The following MRPL27 variants were observed in gnomAD, a reference collection of about 807,000 sequenced individuals.
MRPL27 encodes the protein large ribosomal subunit protein bL27m.
MRPL27 carries 4 observed loss-of-function variants against 14.6 expected under a neutral mutation model. The observed-to-expected ratio is 0.27, with a 90% CI of 0.14 to 0.63. The LOEUF is 0.63. Among genes scored for constraint, MRPL27 ranks in the 20% least tolerant of loss-of-function variants. MRPL27 has a pLI of 0.85. For synonymous variants in MRPL27, 82 were observed against 75.5 expected, an observed-to-expected ratio of 1.09 and a Z score of -0.45; for missense variants, 196 against 192.8, an observed-to-expected ratio of 1.02 and a Z score of -0.10.
chr17:50,368,876 A>T (rs778840611), intron 3 of MRPL27: 1 of 702,380 alleles, frequency 1.4e-6, no homozygotes, highest in South Asian at 1.5e-5. Flanking sequence ...CACTTTTCAG[A>T]TGTGAAATAT....
Position 50,370,594 on chromosome 17 carries a change from GA to G in MRPL27, c.41-9del, listed in dbSNP as rs770437381. 28 of 1,613,924 alleles carry G rather than the reference GA, an allele frequency of 1.7e-5. No homozygotes were observed. The highest frequency in any genetic ancestry group is 6.7e-5 in the Admixed American group (4 of 59,996). ...GGCTTAGCAAGGATGTAACTGCAGA[GA>G]AAACAGAAACATTGTTCAGACAGAC... On this transcript the variant is annotated splice_polypyrimidine_tract_variant and intron_variant, in intron 1 of 3. Coordinates refer to ENST00000225969, the MANE Select transcript of MRPL27 (RefSeq NM_016504.3).
At chr17:50,372,876 T>C (rs75247065) in intron 1 of MRPL27, 1 of 569,540 alleles carries the variant, frequency 1.8e-6, no homozygotes, top group South Asian at 2.2e-5. Context: ...CCCACCCAAA[T>C]CCCCAACCGC....
intron 1 of MRPL27, among the ~76,000 whole-genome samples, chr17:50,372,385 AC>A (rs910867586): frequency 1.3e-5 from 2 of 152,040 alleles, no homozygotes; most frequent in Non-Finnish European, 2.9e-5. Flanking sequence ...ATCTGAGACC[AC>A]AGGCAAGCGC....
chr17:50,370,662 C>G lies in MRPL27; in HGVS notation c.41-76G>C, dbSNP rs16948951. On this transcript the variant is annotated intron_variant, in intron 1 of 3. Coordinates refer to ENST00000225969, the MANE Select transcript of MRPL27 (RefSeq NM_016504.3). ...TGCCTCAATGGGCCACATGCTGATA[C>G]GTGAGAGGCGGTGGGGAGATGAGAA... 0.24 allele frequency: 374,640 copies of G among 1,582,958 alleles called. 48,643 individuals are homozygous for G. The highest frequency in any genetic ancestry group is 0.45 in the African/African-American group (33,622 of 74,074).
chr17:50,368,376 A>C (rs1427622790), intron 3 of MRPL27, 78 bp from the exon 4 acceptor site: 19 of 1,470,808 alleles, frequency 1.3e-5, no homozygotes, highest in African/African-American at 4.2e-5. Flanking sequence ...CAGACTTCTC[A>C]CACAGAGCCG....
In MRPL27 at chr17:50,368,236, C is replaced by A; in HGVS notation, c.303G>T (p.Lys101Asn). The A allele has an allele frequency of 6.2e-7, 1 of 1,614,192 alleles. No individual in the cohort carries two copies. The highest frequency in any genetic ancestry group is 1.1e-5 in the South Asian group (1 of 91,082). ...TTCTGGGATGAGGCACGTAGACCTC[C>A]TTAGTGTAGCGGACTATCCCCTCTT... The part of the protein sequence containing the change: ...ALEEGIVRYT[K>N]EVYVPHPRNT... The change falls in exon 4 of 4, where the codon AAG becomes AAT. Residue 101 changes from lysine (K) to asparagine (N), a missense_variant. Lys to Asn is a moderately conservative substitution (Grantham distance 94). Coordinates refer to ENST00000225969, the MANE Select transcript of MRPL27 (RefSeq NM_016504.3).
At chr17:50,373,066 C>T (rs1913233001) in intron 1 of MRPL27, 65 bp downstream of exon 1, 4 of 1,607,448 alleles carry the variant, frequency 2.5e-6, no homozygotes, top group African/African-American at 1.3e-5. Context: ...CACCTCCTTC[C>T]CTCCCTGCTG....
chr17:50,368,198 A>G lies in MRPL27; in HGVS notation c.341T>C (p.Val114Ala). 1.5e-5 allele frequency: 24 copies of G among 1,614,216 alleles called. No homozygotes were observed. The highest frequency in any genetic ancestry group is 2.0e-5 in the Non-Finnish European group (24 of 1,180,050). The change falls in exon 4 of 4, where the codon GTG becomes GCG. Residue 114 changes from valine (V) to alanine (A), a missense_variant. Val to Ala is a moderately conservative substitution (Grantham distance 64, BLOSUM62 0). Transcript: ENST00000225969. ...CTTGGGCAGCCTGGTGATCAGATCC[A>G]CAGCCTCCGTGTTTCTGGGATGAGG... ...YVPHPRNTEAVDLITRLPKGA... is the reference protein window; with the variant it reads ...YVPHPRNTEAADLITRLPKGA...
chr17:50,370,282 C>T (rs1567812207), intron 2 of MRPL27, 173 bp downstream of exon 2: 7 of 1,204,240 alleles, frequency 5.8e-6, no homozygotes, highest in Non-Finnish European at 8.3e-6. Context: ...ATGGTTATGG[C>T]TCACACCCAC....
chr17:50,369,448 G>A (rs1233926040), intron 3 of MRPL27: 2 of 167,024 alleles, frequency 1.2e-5, no homozygotes, highest in Admixed American at 1.3e-4. Flanking sequence ...AATGTGGAGA[G>A]TACAGTATCG....
chr17:50,372,885 G>A (rs968848602), intron 1 of MRPL27: 1 of 568,052 alleles, frequency 1.8e-6, no homozygotes, highest in Non-Finnish European at 3.1e-6. Context: ...ATCCCCAACC[G>A]CCAAGGAACC....
chr17:50,371,803 A>G lies in MRPL27; in HGVS notation c.41-1217T>C, dbSNP rs183400681. 2.0e-5 allele frequency among the ~76,000 whole-genome samples: 3 copies of G among 152,326 alleles called. No homozygotes were observed. The East Asian group carries it at 5.8e-4, about 29-fold the overall frequency. On this transcript the variant is annotated intron_variant, in intron 1 of 3. Coordinates refer to ENST00000225969, the MANE Select transcript of MRPL27 (RefSeq NM_016504.3). ...TTTAAACATCTATTCATTCATTTAC[A>G]TACTTACTAAGCTCAGGAGCTGGGC...
At chr17:50,372,760 C>T (rs747456057) in intron 1 of MRPL27, 112 of 278,904 alleles carry the variant, frequency 4.0e-4, no homozygotes, top group Non-Finnish European at 4.8e-4. Context: ...TTCCGAACAC[C>T]TACCGCCGTG....
At position 50,369,632 on chromosome 17, in the gene MRPL27, G is replaced by A. The variant is rs775004780; in HGVS notation, c.240+400C>T. 114 of 213,354 alleles carry A rather than the reference G, an allele frequency of 5.3e-4. 1 individual carries two copies. Among genetic ancestry groups the A allele is most frequent in the Admixed American group, 4.4e-4 (7 of 15,858 alleles). The allele number at this position is 213,354 out of a possible 1,614,324, so 13.2% of individuals were successfully genotyped here. A position where few individuals can be genotyped will look rare whatever the true frequency, so the allele number is the denominator to read the frequency against. ...AGTTTATACAAAGGAAGAAGTCTTAGAATAATGAAAAACTAATAAATTGAA... is the reference window on the plus strand; with the variant it reads ...AGTTTATACAAAGGAAGAAGTCTTAAAATAATGAAAAACTAATAAATTGAA... On this transcript the variant is annotated intron_variant, in intron 3 of 3. Coordinates refer to ENST00000225969, the MANE Select transcript of MRPL27 (RefSeq NM_016504.3).
chr17:50,373,149 G>C lies in MRPL27; in HGVS notation c.22C>G (p.Leu8Val), dbSNP rs757023737. 8.7e-6 allele frequency: 14 copies of C among 1,613,686 alleles called. No individual in the cohort carries two copies. In the Admixed American group the frequency reaches 2.2e-4, roughly 25 times the overall value. The stretch of plus-strand genomic sequence containing the variant: ...CCATTACCGGCTGTCCGGGTCCTCA[G>C]CGCCAACACCACCGACGCCATGCTT... MASVVLA[L>V]RTRTAVTSLL... The change falls in exon 1 of 4, where the codon CTG becomes GTG. Residue 8 changes from leucine to valine, a missense_variant. Coordinates refer to ENST00000225969, the MANE Select transcript of MRPL27 (RefSeq NM_016504.3).
intron 3 of MRPL27, 92 bp from the exon 4 acceptor site, chr17:50,368,390 C>T: frequency 2.2e-6 from 3 of 1,364,864 alleles, no homozygotes; most frequent in African/African-American, 2.9e-5. Context: ...AGAGCCGGGC[C>T]CTGGGGCTGA....
At chr17:50,369,801 G>C in intron 3 of MRPL27, 2 of 591,190 alleles carry the variant, frequency 3.4e-6, no homozygotes, top group Non-Finnish European at 5.9e-6. Flanking sequence ...AGGCAGACCT[G>C]GTGCAAATCC....
chr17:50,368,931 T>C (rs1167733955), intron 3 of MRPL27: 5 of 688,628 alleles, frequency 7.3e-6, no homozygotes, highest in African/African-American at 1.8e-5. Flanking sequence ...TTTTTAACCA[T>C]ATTTTTTAGC....
At chr17:50,372,809 G>T in intron 1 of MRPL27, 1 of 407,018 alleles carries the variant, frequency 2.5e-6, no homozygotes. Context: ...TGAATCAATA[G>T]ATTAATTTTT....
Sources: gnomAD v4.1 joint callset for allele counts (sites outside exome capture counted in the v4.1 genomes callset) on GRCh38, gnomAD v4.1.1 for gene constraint, MANE v1.5 for transcripts, NCBI Gene and HGNC (gene_info 2026-07-23, HGNC 2026-07-21) for gene names.